Variants in FSD2 observed in about 807,000 individuals in gnomAD.
FSD2 encodes fibronectin type III and SPRY domain containing 2.
FSD2 carries 71 observed loss-of-function variants against 80.4 expected under a neutral mutation model. The observed-to-expected ratio is 0.88, with a 90% CI of 0.73 to 1.08. The LOEUF is 1.08. Among genes scored for constraint, FSD2 ranks in the 50% least tolerant of loss-of-function variants. FSD2 has a pLI of 0.00. For synonymous variants in FSD2, 361 were observed against 329.5 expected (o/e 1.10, Z -1.03); for missense variants, 923 against 913.8 (o/e 1.01, Z -0.13).
Position 82,773,329 on chromosome 15 carries a change from G to A in FSD2, c.1112-1101C>T, listed in dbSNP as rs537644633. ...GCTGAAAGATCGTAATGTGACAGAG[G>A]TGAGGAGGAAGACAATAACTTATAT... On this transcript the variant is annotated intron_variant, in intron 6 of 12. Coordinates refer to ENST00000334574, the MANE Select transcript of FSD2 (RefSeq NM_001007122.4). Among the ~76,000 whole-genome samples the A allele has an allele frequency of 5.3e-5, 8 of 152,292 alleles. No homozygotes were observed. In the South Asian group the frequency reaches 1.0e-3, roughly 20 times the overall value.
intron 1 of FSD2, among the ~76,000 whole-genome samples, chr15:82,797,033 A>AC (rs560187634): frequency 0.17 from 23,954 of 141,174 alleles, 2,186 homozygotes; most frequent in East Asian, 0.25. Flanking sequence ...AAAAAAAAAA[A>AC]AAAAAAAACA....
At chr15:82,804,916 G>C (rs2050493273) in intron 1 of FSD2, among the ~76,000 whole-genome samples, 1 of 152,120 alleles carries the variant, frequency 6.6e-6, no homozygotes, top group African/African-American at 2.4e-5. Flanking sequence ...AACAAAATCA[G>C]GATTTGGGGA....
At chr15:82,791,616 C>A (rs559748670) in intron 1 of FSD2, among the ~76,000 whole-genome samples, 2 of 151,978 alleles carry the variant, frequency 1.3e-5, no homozygotes, top group Non-Finnish European at 2.9e-5. Flanking sequence ...CAAGGGATTG[C>A]CCACCTCAGC....
chr15:82,769,709 T>C (rs749897266), intron 8 of FSD2, 41 bp downstream of exon 8: 13 of 1,580,060 alleles, frequency 8.2e-6, no homozygotes, highest in South Asian at 5.6e-5. Context: ...CTGTGTCCGC[T>C]TGAATGAAAG....
intron 11 of FSD2, among the ~76,000 whole-genome samples, chr15:82,762,620 C>T (rs191906531): frequency 2.6e-5 from 4 of 152,204 alleles, no homozygotes; most frequent in East Asian, 3.9e-4. Flanking sequence ...CAACACAGCA[C>T]GGTTAAGGGA....
rs200246355 is a variant in FSD2, at chr15:82,778,883, C to G, written c.994G>C (p.Gly332Arg). Residue 332 changes from glycine (G) to arginine (R), a missense_variant, in exon 6 of 13, where the codon GGG (glycine) becomes CGG (arginine). Transcript: ENST00000334574. Reference protein sequence around the residue: ...KDAVAMADRLGKFLKTKTDVE... With the variant: ...KDAVAMADRLRKFLKTKTDVE... ...TCTGTTTTTGTTTTCAGGAATTTCC[C>G]GAGTCTGTTGGTATAAAAAGACATG... 6.2e-7 allele frequency: 1 copy of G among 1,613,736 alleles called. No homozygotes were observed. Among genetic ancestry groups the G allele is most frequent in the Non-Finnish European group, 8.5e-7 (1 of 1,179,852 alleles).
At chr15:82,765,837 C>G (rs1267452853) in intron 10 of FSD2, 61 bp downstream of exon 10, 14 of 1,538,948 alleles carry the variant, frequency 9.1e-6, no homozygotes, top group Non-Finnish European at 1.2e-5. Flanking sequence ...CATAGCAGCA[C>G]TGGGTCTGCC....
chr15:82,772,372 G>T, intron 6 of FSD2, 144 bp from the exon 7 acceptor site: 1 of 789,072 alleles, frequency 1.3e-6, no homozygotes, highest in Non-Finnish European at 2.0e-6. Context: ...CAAGGATGGG[G>T]ACATACAGCC....
chr15:82,759,992 C>T (rs1691654861), intron 12 of FSD2, among the ~76,000 whole-genome samples: 1 of 152,126 alleles, frequency 6.6e-6, no homozygotes, highest in Non-Finnish European at 1.5e-5. Context: ...CAGGGTTTCA[C>T]TGTGTTGCCC....
intron 1 of FSD2, among the ~76,000 whole-genome samples, chr15:82,800,972 C>T (rs2050399163): frequency 6.6e-6 from 1 of 152,124 alleles, no homozygotes; most frequent in South Asian, 2.1e-4. Flanking sequence ...AGCCACTGTG[C>T]AAGCACTAGA....
At chr15:82,804,546 C>T (rs1287063861) in intron 1 of FSD2, among the ~76,000 whole-genome samples, 1 of 152,064 alleles carries the variant, frequency 6.6e-6, no homozygotes, top group Non-Finnish European at 1.5e-5. Flanking sequence ...TGGATTCAAA[C>T]CCAGGTTTCC....
chr15:82,769,351 C>G (rs1435789363), intron 8 of FSD2, among the ~76,000 whole-genome samples: 1 of 151,848 alleles, frequency 6.6e-6, no homozygotes, highest in African/African-American at 2.4e-5. Context: ...GGGTGGATCA[C>G]TTGAGGTCAG....
Position 82,783,043 on chromosome 15 carries a change from TCA to T in FSD2, c.736-20_736-19del. The T allele has an allele frequency of 6.5e-7, 1 of 1,547,468 alleles. No homozygotes were observed. The highest frequency in any genetic ancestry group is 8.9e-7 in the Non-Finnish European group (1 of 1,123,854). On this transcript the variant is annotated intron_variant, in intron 3 of 12. Coordinates refer to ENST00000334574, the MANE Select transcript of FSD2 (RefSeq NM_001007122.4). Reference sequence around the variant, plus strand: ...AAATTCTCCTGCAAGACAGTTGATCTCAGTCATCATTTCAGCGCATGTAGTGT... The same window carrying T: ...AAATTCTCCTGCAAGACAGTTGATCTGTCATCATTTCAGCGCATGTAGTGT...
In FSD2 at chr15:82,768,895, G is replaced by A; in HGVS notation, c.1538C>T (p.Ala513Val). Reference protein sequence around the residue: ...VELTQAESPEASGVTESVVGI... With the variant: ...VELTQAESPEVSGVTESVVGI... ...CATGACTCACTCAGTTACACCCGAG[G>A]CTTCTGGACTTTCAGCCTGGGTCAG... Residue 513 changes from alanine (A) to valine (V), a missense_variant, in exon 9 of 13, where the codon GCC (alanine) becomes GTC (valine). By Grantham distance (64) the Ala-to-Val change is moderately conservative. Transcript: ENST00000334574. 1 of 1,560,546 alleles carries A rather than the reference G, an allele frequency of 6.4e-7. No individual in the cohort carries two copies.
At chr15:82,769,729 A>T in intron 8 of FSD2, 21 bp downstream of exon 8, 1 of 1,593,716 alleles carries the variant, frequency 6.3e-7, no homozygotes, top group Non-Finnish European at 8.6e-7. Flanking sequence ...GCCCTGCTAT[A>T]GGAAATGAGT....
In FSD2 at chr15:82,765,957, C is replaced by T. The variant is rs777567843; in HGVS notation, c.1628G>A (p.Arg543Gln). ...GCTGGGGCCCCCCATATTGAGGGCT[C>T]GCACATAGATAATGTAGCTCCGCCC... is the stretch of plus-strand genomic sequence containing the variant. Reference protein sequence around the residue: ...QPGRSYIIYVRALNMGGPSVR... With the variant: ...QPGRSYIIYVQALNMGGPSVR... The change falls in exon 10 of 13, where the codon CGA (arginine) becomes CAA (glutamine). Residue 543 changes from arginine to glutamine, a missense_variant. Physicochemically the swap from Arg to Gln is conservative, Grantham distance 43 (BLOSUM62 1). Coordinates refer to ENST00000334574, the MANE Select transcript of FSD2 (RefSeq NM_001007122.4). 8.1e-6 allele frequency: 13 copies of T among 1,605,990 alleles called. No homozygotes were observed. Among genetic ancestry groups the T allele is most frequent in the South Asian group, 1.1e-5 (1 of 89,112 alleles).
chr15:82,765,140 G>A (rs749386603), intron 11 of FSD2, 26 bp downstream of exon 11: 11 of 1,569,740 alleles, frequency 7.0e-6, no homozygotes, highest in East Asian at 4.6e-5. Context: ...TTCACAGAAC[G>A]CCCTTGTGAG....
intron 7 of FSD2, 121 bp downstream of exon 7, chr15:82,771,952 C>G (rs1233745084): frequency 2.8e-5 from 29 of 1,045,236 alleles, no homozygotes; most frequent in Non-Finnish European, 3.5e-5. Flanking sequence ...TGCATCCAAT[C>G]CTCTGCATGT....
chr15:82,771,154 C>T (rs913091935), intron 7 of FSD2, among the ~76,000 whole-genome samples: 4 of 152,226 alleles, frequency 2.6e-5, no homozygotes, highest in African/African-American at 9.6e-5. Context: ...GAACTCAGCC[C>T]TCCACCTGCA....
Sources: gnomAD v4.1 joint callset for allele counts (sites outside exome capture counted in the v4.1 genomes callset) on GRCh38, gnomAD v4.1.1 for gene constraint, MANE v1.5 for transcripts, NCBI Gene and HGNC (gene_info 2026-07-23, HGNC 2026-07-21) for gene names.